The following PARD3B variants were observed in gnomAD, a reference collection of about 807,000 sequenced individuals.
PARD3B encodes the protein partitioning defective 3 homolog B.
PARD3B carries 103 observed loss-of-function variants against 130.2 expected under a neutral mutation model. The ratio of observed to expected loss-of-function variants is 0.79; its 90% CI spans 0.67 to 0.93. PARD3B has a LOEUF of 0.93. Ranked by LOEUF, PARD3B falls within the 40% of genes least tolerant of loss-of-function variation. The pLI is 0.00. For missense variants in PARD3B, 1,609 were observed against 1,499.2 expected (o/e 1.07, Z -1.21); for synonymous variants, 583 against 553.2 (o/e 1.05, Z -0.76).
intron 15 of PARD3B, among the ~76,000 whole-genome samples, chr2:205,215,943 A>G (rs2037883740): frequency 6.6e-6 from 1 of 152,098 alleles, no homozygotes; most frequent in African/African-American, 2.4e-5. Context: ...GCTTCATGAA[A>G]TAAAAAATGT....
chr2:204,819,999 C>T (rs934827906), intron 2 of PARD3B, among the ~76,000 whole-genome samples: 1 of 150,570 alleles, frequency 6.6e-6, no homozygotes, highest in Non-Finnish European at 1.5e-5. Flanking sequence ...AGTACTGTTG[C>T]AGAAGCTGCA....
chr2:205,368,990 CT>C (rs997267380), intron 18 of PARD3B, among the ~76,000 whole-genome samples: 2 of 151,854 alleles, frequency 1.3e-5, no homozygotes, highest in African/African-American at 4.9e-5. Context: ...GTTCTTTTTC[CT>C]GGCAAAACAC....
At chr2:205,608,318 CCA>C (rs1190353474) in intron 22 of PARD3B, among the ~76,000 whole-genome samples, 15 of 152,156 alleles carry the variant, frequency 9.9e-5, no homozygotes, top group African/African-American at 3.6e-4. Flanking sequence ...CAGACGAAAT[CCA>C]CAGTGTTTAG....
At chr2:205,380,077 A>C (rs1365630462) in intron 18 of PARD3B, among the ~76,000 whole-genome samples, 2 of 139,004 alleles carry the variant, frequency 1.4e-5, no homozygotes, top group African/African-American at 5.3e-5. Context: ...CAAAAAAAAA[A>C]AAAAATATGT....
intron 13 of PARD3B, among the ~76,000 whole-genome samples, chr2:205,182,760 G>A (rs558957054): frequency 3.9e-5 from 6 of 152,326 alleles, no homozygotes; most frequent in East Asian, 3.9e-4. Context: ...TGCACAATGA[G>A]GTTTGGCAGC....
intron 1 of PARD3B, among the ~76,000 whole-genome samples, chr2:204,684,135 G>A (rs932126785): frequency 2.0e-5 from 3 of 152,020 alleles, no homozygotes; most frequent in Non-Finnish European, 4.4e-5. Context: ...CCACCTCTAG[G>A]CAGGAAGGTG....
intron 1 of PARD3B, among the ~76,000 whole-genome samples, chr2:204,684,667 C>G (rs2036993397): frequency 6.6e-6 from 1 of 152,070 alleles, no homozygotes. Flanking sequence ...TGGCAAAGAC[C>G]TCTGGTTAAA....
chr2:205,227,054 A>AG (rs201318017), intron 15 of PARD3B, among the ~76,000 whole-genome samples: 1 of 148,076 alleles, frequency 6.8e-6, no homozygotes, highest in Non-Finnish European at 1.5e-5. Flanking sequence ...ATATAATTTC[A>AG]GGGTTTTTTT....
chr2:204,836,122 G>A, intron 2 of PARD3B, among the ~76,000 whole-genome samples: 1 of 152,162 alleles, frequency 6.6e-6, no homozygotes. Flanking sequence ...GGGCAACTTT[G>A]TCTGATTTTC....
At chr2:204,687,685 AG>A (rs773936684) in intron 2 of PARD3B, among the ~76,000 whole-genome samples, 10 of 152,204 alleles carry the variant, frequency 6.6e-5, no homozygotes, top group Non-Finnish European at 1.0e-4. Context: ...ACCCTGAAGA[AG>A]GGTTTTTAGT....
intron 2 of PARD3B, among the ~76,000 whole-genome samples, chr2:204,832,040 G>A (rs1201403601): frequency 6.6e-6 from 1 of 152,120 alleles, no homozygotes; most frequent in East Asian, 1.9e-4. Flanking sequence ...GGCTAACACG[G>A]TGAAACCCCA....
At chr2:205,502,221 G>A (rs982444239) in intron 21 of PARD3B, among the ~76,000 whole-genome samples, 47 of 152,102 alleles carry the variant, frequency 3.1e-4, no homozygotes, top group African/African-American at 1.1e-3. Flanking sequence ...GCCACTTTTG[G>A]AGAGATCTAG....
rs557103313 is a variant in PARD3B at position 205,010,962 on chromosome 2, T to G, written c.395-36619T>G. Among the ~76,000 whole-genome samples the G allele has an allele frequency of 1.7e-3, 260 of 152,340 alleles. 2 individuals carry two copies. Among genetic ancestry groups the G allele is most frequent in the Middle Eastern group, 0.014 (4 of 294 alleles). On this transcript the variant is annotated intron_variant, in intron 3 of 22. Coordinates refer to ENST00000406610, the MANE Select transcript of PARD3B (RefSeq NM_001302769.2). ...CCTTTTATTTTAAAGGGTTTCCTCA[T>G]TTATCTGTTATCCTCAGCTGTATGT...
chr2:205,030,556 A>G (rs965326605), intron 3 of PARD3B, among the ~76,000 whole-genome samples: 2 of 152,156 alleles, frequency 1.3e-5, no homozygotes, highest in African/African-American at 2.4e-5. Flanking sequence ...ATATGTTGAC[A>G]TAAATATTGA....
At chr2:205,512,128 G>A (rs1389874601) in intron 21 of PARD3B, among the ~76,000 whole-genome samples, 1 of 152,130 alleles carries the variant, frequency 6.6e-6, no homozygotes, top group Admixed American at 6.5e-5. Context: ...CAAGAAAAAT[G>A]ACCACTTTTG....
At chr2:205,578,713 A>G (rs2053855569) in intron 22 of PARD3B, among the ~76,000 whole-genome samples, 1 of 152,244 alleles carries the variant, frequency 6.6e-6, no homozygotes, top group South Asian at 2.1e-4. Context: ...TTGCTATCAC[A>G]TAATAATTAG....
intron 4 of PARD3B, among the ~76,000 whole-genome samples, chr2:205,089,957 C>G (rs1261426250): frequency 1.3e-5 from 2 of 152,186 alleles, no homozygotes; most frequent in East Asian, 3.8e-4. Flanking sequence ...CTGTTAAATG[C>G]AGTGATTTTA....
In PARD3B at chr2:204,675,876, G is replaced by A. The variant is rs1479400120; in HGVS notation, c.121-10305G>A. Among the ~76,000 whole-genome samples, 1 of 152,114 alleles carries A rather than the reference G, an allele frequency of 6.6e-6. No individual in the cohort carries two copies. Among genetic ancestry groups the A allele is most frequent in the East Asian group, 1.9e-4 (1 of 5,194 alleles). ...TAGAAACAAATTCCCTGGAATTGTT[G>A]GTGCTTTTATATTGCAATTATTTTG... On this transcript the variant is annotated intron_variant, in intron 1 of 22. Coordinates refer to ENST00000406610, the MANE Select transcript of PARD3B (RefSeq NM_001302769.2). This position sits in a 1 kb window ranked among gnomAD's most constrained non-coding sequence, Gnocchi z 4.4.
At chr2:205,527,340 T>C (rs2051382139) in intron 21 of PARD3B, among the ~76,000 whole-genome samples, 1 of 152,040 alleles carries the variant, frequency 6.6e-6, no homozygotes. Context: ...ATAGAAAAAG[T>C]CATTTTTTTT....
Sources: gnomAD v4.1 joint callset for allele counts (sites outside exome capture counted in the v4.1 genomes callset) on GRCh38, gnomAD v4.1.1 for gene constraint, Gnocchi (gnomAD v3.1) non-coding constraint, MANE v1.5 for transcripts, NCBI Gene and HGNC (gene_info 2026-07-23, HGNC 2026-07-21) for gene names.